Variants in JAK1 observed in about 807,000 individuals in gnomAD.
JAK1 encodes tyrosine-protein kinase JAK1.
In JAK1, 16 loss-of-function variants were observed where a neutral mutation model predicts 136.6. The ratio of observed to expected loss-of-function variants is 0.12; its 90% CI spans 0.08 to 0.18. The LOEUF (loss-of-function observed/expected upper bound fraction) is 0.18. JAK1 is among the 10% of genes least tolerant of loss of function. The probability of loss-of-function intolerance (pLI) is 1.00; values close to 1 mark genes in which losing one functional copy is unlikely to be tolerated. For missense variants in JAK1, 859 were observed against 1,450.1 expected, an observed-to-expected ratio of 0.59 and a Z score of 6.62; for synonymous variants, 492 against 519.5, an observed-to-expected ratio of 0.95 and a Z score of 0.72.
At chr1:64,839,845 C>T (rs775820016) in intron 19 of JAK1, 50 bp from the exon 20 acceptor site, 35 of 1,455,696 alleles carry the variant, frequency 2.4e-5, no homozygotes, top group Non-Finnish European at 3.2e-5. Context: ...CATCGTAGGC[C>T]ACGGAACACA....
chr1:65,062,912 G>C (rs750625052), intron 1 of JAK1, among the ~76,000 whole-genome samples: 2 of 152,142 alleles, frequency 1.3e-5, no homozygotes, highest in Non-Finnish European at 2.9e-5. Flanking sequence ...TTTAATTCCA[G>C]TCTCTGTCTA....
chr1:64,844,344 T>C lies in JAK1; in HGVS notation c.2252-129A>G, dbSNP rs1655091372. 1.6e-6 allele frequency: 2 copies of C among 1,232,438 alleles called. No homozygotes were observed. The highest frequency in any genetic ancestry group is 1.5e-5 in the African/African-American group (1 of 67,052). The allele number at this position is 1,232,438 out of a possible 1,614,324, so 76.3% of individuals were successfully genotyped here. On this transcript the variant is annotated intron_variant, in intron 16 of 24. Transcript: ENST00000342505. This position sits in a 1 kb window ranked among gnomAD's most constrained non-coding sequence, Gnocchi z 5.7. ...AAGCAGTGTGCCCAAACATGGCCCA[T>C]GGCCACATAGGCCCTGTGCGGGGGG...
intron 1 of JAK1, among the ~76,000 whole-genome samples, chr1:64,948,203 C>T (rs563633856): frequency 6.6e-6 from 1 of 152,212 alleles, no homozygotes. Context: ...AAATCCAAAT[C>T]TAATCAATGA....
chr1:65,057,340 T>C (rs1569965721), intron 1 of JAK1, among the ~76,000 whole-genome samples: 1 of 152,224 alleles, frequency 6.6e-6, no homozygotes, highest in African/African-American at 2.4e-5. Context: ...GGTTCTCCAA[T>C]AACCACCTTT....
intron 1 of JAK1, among the ~76,000 whole-genome samples, chr1:65,061,501 T>C (rs112011573): frequency 2.4e-4 from 37 of 152,306 alleles, no homozygotes; most frequent in African/African-American, 8.7e-4. Flanking sequence ...TATCTGATTA[T>C]ATATTAAATA....
chr1:65,035,745 C>T (rs1012369251), intron 2 of JAK1, among the ~76,000 whole-genome samples: 2 of 152,082 alleles, frequency 1.3e-5, no homozygotes, highest in Non-Finnish European at 2.9e-5. Context: ...CCAGGAAGCA[C>T]ATCTGAAATA....
At chr1:64,957,920 G>C (rs1284322359) in intron 1 of JAK1, among the ~76,000 whole-genome samples, 1 of 149,772 alleles carries the variant, frequency 6.7e-6, no homozygotes, top group East Asian at 2.0e-4. Flanking sequence ...GCCCGGCCTG[G>C]GCGAAAGAGC....
chr1:64,869,094 C>T (rs765047055), intron 6 of JAK1, among the ~76,000 whole-genome samples: 4 of 152,166 alleles, frequency 2.6e-5, no homozygotes, highest in Non-Finnish European at 5.9e-5. Flanking sequence ...AGAAATTTCA[C>T]CCAAGCACAA....
chr1:64,944,537 G>C (rs1482243335), intron 1 of JAK1, among the ~76,000 whole-genome samples: 3 of 152,032 alleles, frequency 2.0e-5, no homozygotes, highest in Non-Finnish European at 4.4e-5. Context: ...TTCATCGTAG[G>C]GTTGTTGACT....
At chr1:65,055,469 A>G (rs1175488882) in intron 1 of JAK1, among the ~76,000 whole-genome samples, 1 of 152,218 alleles carries the variant, frequency 6.6e-6, no homozygotes, top group Non-Finnish European at 1.5e-5. Context: ...TGGGTATACA[A>G]TATCTGTCAG....
At chr1:65,028,472 AAAGG>A (rs559427056) in intron 2 of JAK1, among the ~76,000 whole-genome samples, 2 of 134,418 alleles carry the variant, frequency 1.5e-5, no homozygotes, top group South Asian at 2.9e-4. Context: ...AGAAAGGAAG[AAAGG>A]AAGGAAGGGA....
chr1:64,980,661 T>C (rs1646536712), intron 2 of JAK1, among the ~76,000 whole-genome samples: 1 of 152,060 alleles, frequency 6.6e-6, no homozygotes, highest in East Asian at 1.9e-4. Context: ...GCCATGTTGG[T>C]GTGCTGCACC....
Position 64,838,455 on chromosome 1 carries a change from T to C in JAK1, c.2967+10A>G. ...GTCTTAATCTGTAACATGATGTCTT[T>C]ATTTTTTACCTTACAAATCTGAACG... is the stretch of plus-strand genomic sequence containing the variant. On this transcript the variant is annotated intron_variant, in intron 21 of 24. Transcript: ENST00000342505. 6.2e-7 allele frequency: 1 copy of C among 1,613,604 alleles called. No homozygotes were observed. The highest frequency in any genetic ancestry group is 8.5e-7 in the Non-Finnish European group (1 of 1,179,796).
chr1:65,038,964 T>TGTGTGTGTGTGTG (rs1647103423), intron 2 of JAK1, among the ~76,000 whole-genome samples: 1 of 100,120 alleles, frequency 1.0e-5, no homozygotes, highest in Non-Finnish European at 2.0e-5. Flanking sequence ...GTGTGTGTGT[T>TGTGTGTGTGTGTG]TGTGTGTGTT....
chr1:64,952,653 A>G (rs1453850380), intron 1 of JAK1, among the ~76,000 whole-genome samples: 4 of 152,210 alleles, frequency 2.6e-5, no homozygotes, highest in Non-Finnish European at 4.4e-5. Context: ...AAAATGAAGC[A>G]ACTAACACGG....
At chr1:65,060,729 T>C (rs565229308) in intron 1 of JAK1, among the ~76,000 whole-genome samples, 3 of 152,204 alleles carry the variant, frequency 2.0e-5, no homozygotes, top group Non-Finnish European at 2.9e-5. Flanking sequence ...GGAAGAAAAA[T>C]ATGGGTTTTC....
At chr1:64,946,467 T>C (rs571604448) in intron 1 of JAK1, among the ~76,000 whole-genome samples, 6 of 152,246 alleles carry the variant, frequency 3.9e-5, no homozygotes, top group Admixed American at 3.9e-4. Context: ...CAAAGGTACA[T>C]ATTTATGCAT....
At chr1:64,959,151 C>T (rs114049819) in intron 1 of JAK1, among the ~76,000 whole-genome samples, 1,687 of 152,298 alleles carry the variant, frequency 0.011, 14 homozygotes, top group Non-Finnish European at 0.018. Context: ...ACATCAATAG[C>T]GCTTTTCCAA....
intron 3 of JAK1, among the ~76,000 whole-genome samples, chr1:64,881,748 C>T (rs1644775914): frequency 6.6e-6 from 1 of 152,224 alleles, no homozygotes; most frequent in Non-Finnish European, 1.5e-5. Flanking sequence ...CTCAGACTCA[C>T]AGGCTCTCTC....
Sources: gnomAD v4.1 joint callset for allele counts (sites outside exome capture counted in the v4.1 genomes callset) on GRCh38, gnomAD v4.1.1 for gene constraint, Gnocchi (gnomAD v3.1) non-coding constraint, MANE v1.5 for transcripts, NCBI Gene and HGNC (gene_info 2026-07-23, HGNC 2026-07-21) for gene names.